RPAP3: variants seen among roughly 807,000 people sequenced by gnomAD.
The protein encoded by RPAP3 is RNA polymerase II-associated protein 3.
In RPAP3, 58 loss-of-function variants were observed where a neutral mutation model predicts 88.8. The ratio of observed to expected loss-of-function variants is 0.65; its 90% confidence interval spans 0.53 to 0.81. RPAP3 has a LOEUF of 0.81. Among genes scored for constraint, RPAP3 ranks in the 40% least tolerant of loss-of-function variants. The pLI is 0.00. For synonymous variants in RPAP3, 255 were observed against 259.9 expected (o/e 0.98, Z 0.18); for missense variants, 751 against 764.3 (o/e 0.98, Z 0.20).
intron 9 of RPAP3, among the ~76,000 whole-genome samples, chr12:47,682,976 T>C (rs1939254961): frequency 6.6e-6 from 1 of 152,120 alleles, no homozygotes; most frequent in Non-Finnish European, 1.5e-5. Context: ...CCTGCCTGAG[T>C]ATCTGGCCTT....
At position 47,696,302 on chromosome 12, in the gene RPAP3, T is replaced by C. The variant is rs762677193; in HGVS notation, c.519A>G (p.Arg173=). 1 of 1,580,250 alleles carries C rather than the reference T, an allele frequency of 6.3e-7. No homozygotes were observed. The highest frequency in any genetic ancestry group is 8.6e-7 in the Non-Finnish European group (1 of 1,163,190). ...DPYNPVLPTN[R]ASAYFRLKKF... is the part of the protein sequence containing the mutation. ...TTTTCAGTCTAAAATATGCTGACGC[T>C]CTGTTCGTTGGCAACACGGGATTAT... Residue 173 remains arginine (R), a synonymous_variant, in exon 5 of 17, where the codon AGA becomes AGG. Transcript: ENST00000005386.
At chr12:47,696,052 C>T (rs1177789645) in intron 5 of RPAP3, 1 of 341,810 alleles carries the variant, frequency 2.9e-6, no homozygotes, top group African/African-American at 2.1e-5. Context: ...AGAGGAATAC[C>T]TCAGTAAAGT....
intron 5 of RPAP3, among the ~76,000 whole-genome samples, chr12:47,692,478 G>A (rs145702867): frequency 7.9e-4 from 120 of 152,278 alleles, no homozygotes; most frequent in Middle Eastern, 3.4e-3. Context: ...ACCAACTTCT[G>A]CTAGCTTTCA....
chr12:47,664,923 G>C (rs1025770568), intron 16 of RPAP3: 3 of 152,090 alleles, frequency 2.0e-5, no homozygotes, highest in African/African-American at 7.2e-5. Flanking sequence ...AATAAAGCAG[G>C]GTAAGAAGAG....
At chr12:47,668,718 A>G (rs1938933316) in intron 14 of RPAP3, among the ~76,000 whole-genome samples, 198 bp downstream of exon 14, 1 of 152,234 alleles carries the variant, frequency 6.6e-6, no homozygotes, top group East Asian at 1.9e-4. Flanking sequence ...AGAATTTGAC[A>G]TAGAATCTAT....
At position 47,697,685 on chromosome 12, in the gene RPAP3, C is replaced by A. The variant is rs753744196; in HGVS notation, c.329G>T (p.Ser110Ile). 1 of 1,607,714 alleles carries A rather than the reference C, an allele frequency of 6.2e-7. No homozygotes were observed. Among genetic ancestry groups the A allele is most frequent in the Non-Finnish European group, 8.5e-7 (1 of 1,177,286 alleles). The change falls in exon 4 of 17, where the codon AGT becomes ATT. Residue 110 changes from serine to isoleucine, a missense_variant. Transcript: ENST00000005386. ...TTCTTGAGACAGAGACTCATGGGTACTATCGTCTTTGTCAAGCTCATCAAG... is the reference window on the plus strand; with the variant it reads ...TTCTTGAGACAGAGACTCATGGGTAATATCGTCTTTGTCAAGCTCATCAAG... ...RILDELDKDD[S>I]THESLSQESE...
At chr12:47,701,205 T>G in intron 3 of RPAP3, 5 of 270,454 alleles carry the variant, frequency 1.8e-5, no homozygotes. Flanking sequence ...AAGTAAACAG[T>G]AATTTTTGTA....
chr12:47,701,431 A>T (rs373920136), intron 3 of RPAP3, 33 bp downstream of exon 3: 12 of 1,508,160 alleles, frequency 8.0e-6, no homozygotes, highest in African/African-American at 1.4e-5. Context: ...ATTTTACTCA[A>T]ATATTAAGAA....
intron 3 of RPAP3, among the ~76,000 whole-genome samples, chr12:47,698,324 A>AG (rs1555183536): frequency 6.6e-6 from 1 of 152,116 alleles, no homozygotes; most frequent in Non-Finnish European, 1.5e-5. Flanking sequence ...TCGATATGTT[A>AG]TACTGTCTCT....
chr12:47,692,102 C>A (rs1939440744), intron 5 of RPAP3, among the ~76,000 whole-genome samples: 1 of 152,178 alleles, frequency 6.6e-6, no homozygotes. Flanking sequence ...TGTTGTTTTA[C>A]TTATAGAGCA....
intron 12 of RPAP3, among the ~76,000 whole-genome samples, chr12:47,674,539 CAGAGA>C (rs1236002373): frequency 6.6e-6 from 1 of 152,052 alleles, no homozygotes; most frequent in Non-Finnish European, 1.5e-5. Flanking sequence ...ATAAACAGTG[CAGAGA>C]AGACCTTAAA....
intron 6 of RPAP3, 37 bp from the exon 7 acceptor site, chr12:47,689,232 T>C (rs1370623508): frequency 3.5e-6 from 3 of 850,234 alleles, no homozygotes; most frequent in East Asian, 2.7e-5. Context: ...TTTTTAAAGA[T>C]AGGTAATATT....
intron 5 of RPAP3, among the ~76,000 whole-genome samples, chr12:47,695,362 G>C (rs1220390506): frequency 6.6e-6 from 1 of 151,984 alleles, no homozygotes. Context: ...AAATAAGCAA[G>C]ATTATACTAT....
At chr12:47,679,969 A>G (rs1351545734) in intron 10 of RPAP3, among the ~76,000 whole-genome samples, 195 bp from the exon 11 acceptor site, 1 of 152,196 alleles carries the variant, frequency 6.6e-6, no homozygotes, top group East Asian at 1.9e-4. Flanking sequence ...ATGAATGTTC[A>G]CGTAACCCTC....
chr12:47,703,800 T>A (rs548919298), intron 1 of RPAP3, among the ~76,000 whole-genome samples: 2 of 152,180 alleles, frequency 1.3e-5, no homozygotes, highest in African/African-American at 2.4e-5. Context: ...CTGAAAGTTA[T>A]GTGAAAATAT....
rs1329535509 is a variant in RPAP3 at position 47,686,929 on chromosome 12, T to C, written c.865-22A>G. On this transcript the variant is annotated intron_variant, in intron 8 of 16. Transcript: ENST00000005386. ...TCCCCTGTTATTTTGTAGAGAGATA[T>C]GGAGAATAAAAAAAAAATTTCAAAA... The C allele has an allele frequency of 4.0e-6, 6 of 1,498,050 alleles. No homozygotes were observed. The Admixed American group carries it at 6.7e-5, about 17-fold the overall frequency. 92.8% of individuals were successfully genotyped at this position (1,498,050 alleles called of 1,614,324 possible).
At chr12:47,673,710 G>A (rs1333573216) in intron 12 of RPAP3, among the ~76,000 whole-genome samples, 2 of 151,932 alleles carry the variant, frequency 1.3e-5, no homozygotes, top group Non-Finnish European at 2.9e-5. Context: ...ATCAGTCAGG[G>A]GTACATAGAG....
intron 9 of RPAP3, among the ~76,000 whole-genome samples, chr12:47,685,580 T>C (rs1939307197): frequency 6.6e-6 from 1 of 152,190 alleles, no homozygotes; most frequent in South Asian, 2.1e-4. Context: ...CTAGTAGTTA[T>C]TCAGAAGACA....
chr12:47,696,715 T>C (rs1333176310), intron 4 of RPAP3, among the ~76,000 whole-genome samples: 1 of 152,246 alleles, frequency 6.6e-6, no homozygotes, highest in Admixed American at 6.5e-5. Context: ...ACACATTCTC[T>C]TCCTTAAAAT....
Sources: allele counts gnomAD v4.1 joint callset (sites outside exome capture counted in the v4.1 genomes callset), GRCh38; gene constraint gnomAD v4.1.1; transcripts MANE v1.5; gene names NCBI Gene and HGNC (gene_info 2026-07-23, HGNC 2026-07-21).